MACF1: variants seen among roughly 807,000 people sequenced by gnomAD.
The protein encoded by MACF1 is microtubule-actin cross-linking factor 1.
A neutral mutation model predicts 854.8 loss-of-function variants in MACF1; 193 were observed. That is an observed-to-expected ratio of 0.23 (90% CI 0.20 to 0.25). The LOEUF is 0.25. MACF1 is among the 10% of genes least tolerant of loss of function. The pLI is 1.00. For missense variants in MACF1, 7,722 were observed against 8,929.1 expected (o/e 0.86, Z 5.45); for synonymous variants, 3,185 against 3,226.7 (o/e 0.99, Z 0.44).
chr1:39,322,798 G>T, intron 32 of MACF1, 83 bp downstream of exon 32: 1 of 1,532,488 alleles, frequency 6.5e-7, no homozygotes, highest in Non-Finnish European at 9.0e-7. Context: ...TTTGATTTAG[G>T]GCTCACTTTT....
Position 39,322,930 on chromosome 1 carries a change from C to A in MACF1, c.4158C>A (p.Arg1386=). The change falls in exon 33 of 101, where the codon CGC becomes CGA. Residue 1386 remains arginine (R), a synonymous_variant. Transcript: ENST00000564288. ...ITQEFMDLRT[R]YTALVTLTTQ... ...CACAGTTCATGGACTTAAGGACTCG[C>A]TACACGGCATTGGTGACTTTAACAA... 1 of 1,614,056 alleles carries A rather than the reference C, an allele frequency of 6.2e-7. No individual in the cohort carries two copies. The highest frequency in any genetic ancestry group is 8.5e-7 in the Non-Finnish European group (1 of 1,179,940).
At chr1:39,216,661 GC>G (rs1200470643) in intron 1 of MACF1, among the ~76,000 whole-genome samples, 1 of 136,182 alleles carries the variant, frequency 7.3e-6, no homozygotes, top group African/African-American at 2.6e-5. Flanking sequence ...CACAGAGGGG[GC>G]AATTTTAGTG....
At chr1:39,190,395 G>GT (rs750262685) in intron 2 of MACF1, among the ~76,000 whole-genome samples, 4,308 of 78,648 alleles carry the variant, frequency 0.055, 561 homozygotes, top group Non-Finnish European at 0.072. Context: ...GTGTGTGTTT[G>GT]TTTTTGTTTT....
At chr1:39,236,514 T>C (rs1171160514) in intron 2 of MACF1, among the ~76,000 whole-genome samples, 1 of 152,240 alleles carries the variant, frequency 6.6e-6, no homozygotes, top group East Asian at 1.9e-4. Context: ...ATACTCCTTA[T>C]GTGCTTTTGT....
chr1:39,233,007 T>TTTGTTG (rs541207629), intron 2 of MACF1, among the ~76,000 whole-genome samples: 2 of 139,384 alleles, frequency 1.4e-5, no homozygotes, highest in African/African-American at 2.6e-5. Flanking sequence ...CTTTCTTGTT[T>TTTGTTG]TTGTTGTTGT....
intron 1 of MACF1, among the ~76,000 whole-genome samples, chr1:39,217,980 G>A (rs563483805): frequency 2.6e-5 from 4 of 151,778 alleles, no homozygotes; most frequent in South Asian, 4.2e-4. Flanking sequence ...TCAGGAGATC[G>A]AGACCATCCT....
intron 2 of MACF1, among the ~76,000 whole-genome samples, chr1:39,119,823 G>A (rs1055690943): frequency 2.0e-5 from 3 of 149,454 alleles, no homozygotes; most frequent in African/African-American, 7.4e-5. Flanking sequence ...ATAGTTTAAA[G>A]TGTTGCTATC....
chr1:39,444,196 G>A (rs951095256), intron 79 of MACF1, among the ~76,000 whole-genome samples: 16 of 152,158 alleles, frequency 1.1e-4, no homozygotes, highest in African/African-American at 2.4e-4. Context: ...TTAGCCGGGC[G>A]TGGTGGCGGG....
chr1:39,281,758 C>A (rs976745406), intron 6 of MACF1, among the ~76,000 whole-genome samples: 6 of 152,176 alleles, frequency 3.9e-5, no homozygotes, highest in Non-Finnish European at 7.3e-5. Context: ...AGAATTTAAG[C>A]TTTTTATAAC....
intron 95 of MACF1, among the ~76,000 whole-genome samples, chr1:39,466,545 A>C (rs1644671498): frequency 6.6e-6 from 1 of 152,210 alleles, no homozygotes; most frequent in Non-Finnish European, 1.5e-5. Flanking sequence ...GGGTACACAC[A>C]GGTGCATACT....
At chr1:39,220,575 C>T (rs1354517254) in intron 1 of MACF1, among the ~76,000 whole-genome samples, 1 of 151,294 alleles carries the variant, frequency 6.6e-6, no homozygotes, top group Non-Finnish European at 1.5e-5. Context: ...CTCTGCCTCC[C>T]GAGTTCAAGC....
intron 2 of MACF1, among the ~76,000 whole-genome samples, chr1:39,182,694 T>C (rs1014390209): frequency 2.6e-5 from 4 of 152,202 alleles, no homozygotes; most frequent in African/African-American, 9.6e-5. Flanking sequence ...ATGGCTTTAA[T>C]AAAAAAGAGA....
rs1302338348 is a variant in MACF1 at position 39,442,344 on chromosome 1, C to G, written c.18948+24C>G. ...AGGTAAGGCAGGTGGTAGATGACATCAGTGAACTACTCTCCGCTCTTTTCT... is the reference window on the plus strand; with the variant it reads ...AGGTAAGGCAGGTGGTAGATGACATGAGTGAACTACTCTCCGCTCTTTTCT... On this transcript the variant is annotated intron_variant, in intron 76 of 100. Coordinates refer to ENST00000564288, the MANE Select transcript of MACF1 (RefSeq NM_001394062.1). The G allele has an allele frequency of 4.4e-6, 7 of 1,599,412 alleles. No homozygotes were observed. The African/African-American group carries it at 8.1e-5, about 18-fold the overall frequency.
In MACF1 at chr1:39,434,585, C is replaced by G. The variant is rs773977720; in HGVS notation, c.17737C>G (p.Pro5913Ala). The G allele has an allele frequency of 6.2e-7, 1 of 1,614,134 alleles. No individual in the cohort carries two copies. Among genetic ancestry groups the G allele is most frequent in the Admixed American group, 1.7e-5 (1 of 60,016 alleles). Residue 5913 changes from proline (P) to alanine (A), a missense_variant, in exon 69 of 101, where the codon CCA becomes GCA. Pro to Ala is a conservative substitution (Grantham distance 27). Around this residue, in one of 15 missense-constraint regions of MACF1, gnomAD observed 2,807 missense variants for 3,235.8 expected, o/e 0.87. Coordinates refer to ENST00000564288, the MANE Select transcript of MACF1 (RefSeq NM_001394062.1). ...GGCACTAATAGCACAGTTACCCTCT[C>G]CAGCCATTGATCATGAGCAGCTCAG... ...TRALIAQLPS[P>A]AIDHEQLRQQ... is the part of the protein sequence containing the mutation.
At position 39,389,687 on chromosome 1, in the gene MACF1, A is replaced by G. The variant is rs555283504; in HGVS notation, c.15816+1029A>G. Among the ~76,000 whole-genome samples the G allele has an allele frequency of 8.5e-5, 13 of 152,206 alleles. No individual in the cohort carries two copies. In the South Asian group the frequency reaches 2.7e-3, roughly 32 times the overall value. On this transcript the variant is annotated intron_variant, in intron 58 of 100. Coordinates refer to ENST00000564288, the MANE Select transcript of MACF1 (RefSeq NM_001394062.1). ...CTGTTTTTCAAATTGAGGTATGAAA[A>G]GCCGTAAGTTAAACATAGTCTCATC...
chr1:39,385,335 T>A (rs1164948312), intron 56 of MACF1, 99 bp from the exon 57 acceptor site: 3 of 1,340,562 alleles, frequency 2.2e-6, no homozygotes, highest in Non-Finnish European at 3.1e-6. Context: ...CCCAAAGTGC[T>A]GCGATTACAG....
At position 39,486,981 on chromosome 1, in the gene MACF1, A is replaced by G. The variant is rs1036392684; in HGVS notation, c.*1187A>G. On this transcript the variant is annotated 3_prime_UTR_variant, in exon 101 of 101. Transcript: ENST00000564288. ...TTTTGTATTAAAATTGCTTGCAGTAACAAATATTTTGTATTTCCTGATTTT... is the reference window on the plus strand; with the variant it reads ...TTTTGTATTAAAATTGCTTGCAGTAGCAAATATTTTGTATTTCCTGATTTT... The G allele has an allele frequency of 2.0e-5, 3 of 152,632 alleles. No homozygotes were observed. Among genetic ancestry groups the G allele is most frequent in the African/African-American group, 7.2e-5 (3 of 41,466 alleles). The allele number at this position is 152,632 out of a possible 1,614,324, so 9.5% of individuals were successfully genotyped here.
chr1:39,374,907 G>A (rs1306327552), intron 52 of MACF1, among the ~76,000 whole-genome samples: 1 of 152,020 alleles, frequency 6.6e-6, no homozygotes, highest in East Asian at 1.9e-4. Context: ...TCAGGTGATC[G>A]AGACCATCCT....
intron 2 of MACF1, among the ~76,000 whole-genome samples, chr1:39,119,601 C>T (rs1395931889): frequency 6.6e-6 from 1 of 152,106 alleles, no homozygotes; most frequent in Admixed American, 6.6e-5. Flanking sequence ...CAACTTCCAG[C>T]ACCTTTCACA....
Sources: allele counts gnomAD v4.1 joint callset (sites outside exome capture counted in the v4.1 genomes callset), GRCh38; gene constraint gnomAD v4.1.1; regional missense constraint gnomAD v4.1.1; transcripts MANE v1.5; gene names NCBI Gene and HGNC (gene_info 2026-07-23, HGNC 2026-07-21).